DACH1: variants seen among roughly 807,000 people sequenced by gnomAD.
The protein encoded by DACH1 is dachshund homolog 1.
DACH1 carries 12 observed loss-of-function variants against 54.2 expected under a neutral mutation model. The ratio of observed to expected loss-of-function variants is 0.22; its 90% CI spans 0.14 to 0.36. DACH1 has a LOEUF of 0.36. DACH1 is among the 10% of genes least tolerant of loss of function. The pLI is 1.00. For synonymous variants in DACH1, 386 were observed against 366.2 expected, an observed-to-expected ratio of 1.05 and a Z score of -0.62; for missense variants, 805 against 929.8, an observed-to-expected ratio of 0.87 and a Z score of 1.75.
chr13:71,598,782 T>G (rs1874293018), intron 3 of DACH1, among the ~76,000 whole-genome samples: 1 of 152,132 alleles, frequency 6.6e-6, no homozygotes, highest in Non-Finnish European at 1.5e-5. Context: ...GAAAACCTAT[T>G]TAATAGTTCT....
chr13:71,604,959 T>TA (rs1236776008), intron 3 of DACH1, among the ~76,000 whole-genome samples: 6 of 151,768 alleles, frequency 4.0e-5, no homozygotes, highest in Admixed American at 3.3e-4. Context: ...CAGTTGTTTT[T>TA]ATTCCCCCAT....
At chr13:71,567,426 G>A (rs1884957237) in intron 4 of DACH1, among the ~76,000 whole-genome samples, 2 of 151,748 alleles carry the variant, frequency 1.3e-5, no homozygotes. Flanking sequence ...TTTTTATTAG[G>A]TAAAATGAGC....
At chr13:71,593,633 T>C (rs1185545647) in intron 3 of DACH1, among the ~76,000 whole-genome samples, 1 of 151,994 alleles carries the variant, frequency 6.6e-6, no homozygotes, top group Non-Finnish European at 1.5e-5. Flanking sequence ...TTCAAGAAAA[T>C]GCTGTTGAGT....
intron 2 of DACH1, among the ~76,000 whole-genome samples, chr13:71,679,963 G>T (rs1362764737): frequency 2.0e-5 from 3 of 149,188 alleles, no homozygotes; most frequent in African/African-American, 7.3e-5. Context: ...AAAAAAAACG[G>T]AAAAGAGAAG....
chr13:71,745,678 G>A (rs1465030458), intron 1 of DACH1, among the ~76,000 whole-genome samples: 1 of 152,122 alleles, frequency 6.6e-6, no homozygotes, highest in African/African-American at 2.4e-5. Context: ...GTGCAATTCT[G>A]CCCAAAAGAC....
chr13:71,746,226 A>G (rs1884598714), intron 1 of DACH1, among the ~76,000 whole-genome samples: 1 of 152,214 alleles, frequency 6.6e-6, no homozygotes, highest in African/African-American at 2.4e-5. Context: ...CAAATAAAAT[A>G]AAATAAAATA....
At chr13:71,529,340 C>A (rs985851256) in intron 6 of DACH1, among the ~76,000 whole-genome samples, 5 of 151,972 alleles carry the variant, frequency 3.3e-5, no homozygotes, top group African/African-American at 1.2e-4. Context: ...GCGCTTGACA[C>A]CACGCCCAGC....
chr13:71,623,361 A>C (rs934147579), intron 3 of DACH1, among the ~76,000 whole-genome samples: 6 of 151,714 alleles, frequency 4.0e-5, no homozygotes, highest in African/African-American at 1.4e-4. Context: ...AATTTAAGCT[A>C]TATTTTTTAA....
At chr13:71,672,676 T>C (rs980061632) in intron 2 of DACH1, among the ~76,000 whole-genome samples, 11 of 152,284 alleles carry the variant, frequency 7.2e-5, no homozygotes, top group African/African-American at 2.6e-4. Flanking sequence ...AAACAATATT[T>C]GTATTTCTCG....
intron 4 of DACH1, among the ~76,000 whole-genome samples, chr13:71,569,605 T>C (rs1005028554): frequency 6.6e-6 from 1 of 152,120 alleles, no homozygotes; most frequent in Non-Finnish European, 1.5e-5. Flanking sequence ...TGTACTGGCA[T>C]TGATATGTTA....
chr13:71,779,030 C>G (rs189558058), intron 1 of DACH1, among the ~76,000 whole-genome samples: 4 of 151,016 alleles, frequency 2.6e-5, no homozygotes, highest in South Asian at 4.2e-4. Flanking sequence ...TTCTGTCATA[C>G]CTAAGTCAAA....
At chr13:71,636,149 C>T (rs1161243418) in intron 2 of DACH1, among the ~76,000 whole-genome samples, 1 of 151,972 alleles carries the variant, frequency 6.6e-6, no homozygotes, top group Non-Finnish European at 1.5e-5. Context: ...AGCTGCAGTG[C>T]ATGATAAAGA....
intron 1 of DACH1, among the ~76,000 whole-genome samples, chr13:71,757,774 C>T (rs533490136): frequency 4.6e-5 from 7 of 152,110 alleles, no homozygotes; most frequent in Admixed American, 1.3e-4. Context: ...CTGCCCACCT[C>T]GGCCTCCCAA....
Position 71,866,309 on chromosome 13 carries a change from C to G in DACH1, c.461G>C (p.Ser154Thr). Residue 154 changes from serine (S) to threonine (T), a missense_variant, in exon 1 of 11, where the codon AGT becomes ACT. Around this residue, in one of 3 missense-constraint regions of DACH1, gnomAD observed 305 missense variants for 308.7 expected, o/e 0.99. Transcript: ENST00000613252. ...SSSSSSSSSS[S>T]SSSSSSSSSC... ...GCTGCTGCTACTGCTGCTGCTGCTACTACTGCTGCTGCTGCTGCTGCTGCT... is the reference window on the plus strand; with the variant it reads ...GCTGCTGCTACTGCTGCTGCTGCTAGTACTGCTGCTGCTGCTGCTGCTGCT... 6.4e-7 allele frequency: 1 copy of G among 1,555,812 alleles called. No individual in the cohort carries two copies. Among genetic ancestry groups the G allele is most frequent in the Non-Finnish European group, 8.7e-7 (1 of 1,150,540 alleles).
chr13:71,796,545 CCT>C (rs1887059043), intron 1 of DACH1, among the ~76,000 whole-genome samples: 1 of 152,032 alleles, frequency 6.6e-6, no homozygotes, highest in Non-Finnish European at 1.5e-5. Context: ...ACACACTGTT[CCT>C]CCAGAAAGAT....
intron 1 of DACH1, among the ~76,000 whole-genome samples, chr13:71,739,992 G>C (rs1335911390): frequency 2.6e-5 from 4 of 152,110 alleles, no homozygotes; most frequent in Admixed American, 6.5e-5. Context: ...TATAAACACA[G>C]GACTAAAATT....
chr13:71,556,926 T>G (rs1476048745), intron 6 of DACH1, 98 bp downstream of exon 6: 10 of 1,250,174 alleles, frequency 8.0e-6, no homozygotes, highest in Non-Finnish European at 1.1e-5. Context: ...TATGCTTTTT[T>G]TTTACATGAT....
chr13:71,716,711 A>G (rs1882986425), intron 1 of DACH1, among the ~76,000 whole-genome samples: 1 of 152,182 alleles, frequency 6.6e-6, no homozygotes, highest in East Asian at 1.9e-4. Context: ...TGCAGCAACT[A>G]TGTTCTATAT....
intron 1 of DACH1, among the ~76,000 whole-genome samples, chr13:71,722,535 C>G (rs1883275477): frequency 6.6e-6 from 1 of 152,108 alleles, no homozygotes; most frequent in Non-Finnish European, 1.5e-5. Flanking sequence ...TACTTGAAAA[C>G]TATCATCATA....
Sources: gnomAD v4.1 joint callset for allele counts (sites outside exome capture counted in the v4.1 genomes callset) on GRCh38, gnomAD v4.1.1 for gene constraint, gnomAD v4.1.1 regional missense constraint, MANE v1.5 for transcripts, NCBI Gene and HGNC (gene_info 2026-07-23, HGNC 2026-07-21) for gene names.